GCNT4: variants seen among roughly 807,000 people sequenced by gnomAD.
The protein encoded by GCNT4 is glucosaminyl (N-acetyl) transferase 4.
Under a neutral mutation model 31.3 loss-of-function variants are expected in GCNT4, and 17 were observed. The observed-to-expected ratio is 0.54, with a 90% CI of 0.37 to 0.81. The LOEUF is 0.81. GCNT4 is among the 40% of genes least tolerant of loss of function. The pLI is 0.00. For synonymous variants in GCNT4, 158 were observed against 190.6 expected (o/e 0.83, Z 1.41); for missense variants, 503 against 525.5 (o/e 0.96, Z 0.42).
chr5:75,032,872 G>GGTGT (rs60551634), intron 3 of GCNT4, among the ~76,000 whole-genome samples: 1,893 of 130,602 alleles, frequency 0.014, 26 homozygotes, highest in Non-Finnish European at 0.022. Flanking sequence ...CCCAAATAGG[G>GGTGT]GTGTGTGTGT....
intron 2 of GCNT4, among the ~76,000 whole-genome samples, chr5:75,050,297 T>G (rs758482992): frequency 1.2e-4 from 19 of 152,236 alleles, no homozygotes; most frequent in Non-Finnish European, 2.1e-4. Context: ...TTACATTACA[T>G]GAGCTTGATA....
At chr5:75,024,919 C>CTA (rs1398519309), downstream of GCNT4, among the ~76,000 whole-genome samples, 1 of 124,584 alleles carries the variant, frequency 8.0e-6, no homozygotes, top group African/African-American at 3.2e-5. Context: ...CCACTGCACT[C>CTA]TAGTCTGGGT....
chr5:75,038,609 G>T (rs534511823), intron 3 of GCNT4, among the ~76,000 whole-genome samples: 1 of 152,320 alleles, frequency 6.6e-6, no homozygotes, highest in Non-Finnish European at 1.5e-5. Flanking sequence ...TTCCAAGATG[G>T]TGCCTTGCTG....
At chr5:75,035,314 G>A (rs115464765) in intron 3 of GCNT4, among the ~76,000 whole-genome samples, 3,038 of 152,352 alleles carry the variant, frequency 0.02, 49 homozygotes, top group Non-Finnish European at 0.03. Flanking sequence ...TCCTTTCCCA[G>A]GGAAGAAAGG....
intron 3 of GCNT4, among the ~76,000 whole-genome samples, chr5:75,041,075 T>C (rs566429217): frequency 2.0e-4 from 31 of 152,398 alleles, no homozygotes; most frequent in African/African-American, 7.0e-4. Flanking sequence ...TAAGTATGTG[T>C]TGCAAAAGCT....
intron 3 of GCNT4, among the ~76,000 whole-genome samples, chr5:75,041,647 C>A (rs559941394): frequency 6.6e-6 from 1 of 152,272 alleles, no homozygotes; most frequent in East Asian, 1.9e-4. Flanking sequence ...CACGCATAGA[C>A]CTCTCAAGGT....
At position 75,029,873 on chromosome 5, in the gene GCNT4, A is replaced by C; in HGVS notation, c.165T>G (p.Phe55Leu). The C allele has an allele frequency of 6.2e-7, 1 of 1,614,182 alleles. No homozygotes were observed. The highest frequency in any genetic ancestry group is 8.5e-7 in the Non-Finnish European group (1 of 1,180,024). The change falls in exon 4 of 4, where the codon TTT becomes TTG. Residue 55 changes from phenylalanine to leucine, a missense_variant. Transcript: ENST00000652361. Reference protein sequence around the residue: ...LVEYSLSTSPFVRNRYTHVKD... With the variant: ...LVEYSLSTSPLVRNRYTHVKD... ...TAACATGAGTGTATCTGTTTCTTACAAAAGGCGAGGTACTTAGGGAGTACT... is the reference window on the plus strand; with the variant it reads ...TAACATGAGTGTATCTGTTTCTTACCAAAGGCGAGGTACTTAGGGAGTACT...
intron 3 of GCNT4, among the ~76,000 whole-genome samples, chr5:75,046,831 C>T (rs1025763637): frequency 6.6e-6 from 1 of 152,198 alleles, no homozygotes; most frequent in Non-Finnish European, 1.5e-5. Context: ...TTTGAGTTAA[C>T]GGCACTTGCA....
intron 3 of GCNT4, among the ~76,000 whole-genome samples, chr5:75,043,883 T>G (rs1294233199): frequency 6.6e-6 from 1 of 152,306 alleles, no homozygotes; most frequent in Non-Finnish European, 1.5e-5. Flanking sequence ...TATAGCCAAG[T>G]GCAAAATAAT....
downstream of GCNT4, among the ~76,000 whole-genome samples, chr5:75,020,494 G>A (rs1449266914): frequency 6.6e-6 from 1 of 152,156 alleles, no homozygotes; most frequent in Non-Finnish European, 1.5e-5. Context: ...GAGCCACAGA[G>A]CCAGAGCAGA....
In GCNT4 at chr5:75,029,909, A is replaced by C; in HGVS notation, c.129T>G (p.Ile43Met). ...NVRRLFPQKD[I>M]YLVEYSLSTS... Reference sequence around the variant, plus strand: ...TACTTAGGGAGTACTCAACCAAGTAAATGTCTTTTTGCGGAAAGAGTCGTC... The same window carrying C: ...TACTTAGGGAGTACTCAACCAAGTACATGTCTTTTTGCGGAAAGAGTCGTC... Residue 43 changes from isoleucine (I) to methionine (M), a missense_variant, in exon 4 of 4, where the codon ATT (isoleucine) becomes ATG (methionine). Ile to Met is a conservative substitution (Grantham distance 10). Transcript: ENST00000652361. 6.2e-7 allele frequency: 1 copy of C among 1,614,182 alleles called. No individual in the cohort carries two copies. The highest frequency in any genetic ancestry group is 8.5e-7 in the Non-Finnish European group (1 of 1,180,018).
intron 3 of GCNT4, among the ~76,000 whole-genome samples, chr5:75,045,279 TA>T (rs1376560005): frequency 6.6e-6 from 1 of 152,216 alleles, no homozygotes; most frequent in East Asian, 1.9e-4. Flanking sequence ...AATTAAACAC[TA>T]ACCCCACAAT....
rs751888626 is a variant in GCNT4 at position 75,029,152 on chromosome 5, T to C, written c.886A>G (p.Ile296Val). 3.1e-6 allele frequency: 5 copies of C among 1,613,954 alleles called. No individual in the cohort carries two copies. The highest frequency in any genetic ancestry group is 4.2e-6 in the Non-Finnish European group (5 of 1,179,998). The change falls in exon 4 of 4, where the codon ATT becomes GTT. Residue 296 changes from isoleucine (I) to valine (V), a missense_variant. Coordinates refer to ENST00000652361, the MANE Select transcript of GCNT4 (RefSeq NM_001366737.1). ...NISKEAPPHN[I>V]QIFVGSAYFV... ...TAAGCACTGCCAACAAATATCTGAA[T>C]GTTATGGGGGGGTGCTTCCTTGGAG...
chr5:75,038,631 C>T (rs1743250649), intron 3 of GCNT4, among the ~76,000 whole-genome samples: 1 of 152,210 alleles, frequency 6.6e-6, no homozygotes, highest in Non-Finnish European at 1.5e-5. Flanking sequence ...TGTGTTCTCA[C>T]ATGGCAAAGG....
chr5:75,039,699 C>A (rs1433095082), intron 3 of GCNT4, among the ~76,000 whole-genome samples: 2 of 152,178 alleles, frequency 1.3e-5, no homozygotes, highest in African/African-American at 4.8e-5. Flanking sequence ...AATCCACCCA[C>A]CTCTTTCCAC....
intron 3 of GCNT4, among the ~76,000 whole-genome samples, chr5:75,033,217 G>A (rs1193185541): frequency 1.3e-5 from 2 of 152,174 alleles, no homozygotes; most frequent in African/African-American, 4.8e-5. Flanking sequence ...CATTTCCAGG[G>A]CCTCTTCTGC....
At chr5:75,021,486 T>A (rs1174276078), downstream of GCNT4, among the ~76,000 whole-genome samples, 1 of 152,196 alleles carries the variant, frequency 6.6e-6, no homozygotes, top group Non-Finnish European at 1.5e-5. Context: ...GGGCTCTTTG[T>A]GCTCTGAAGA....
chr5:75,049,779 C>T (rs1246962502), intron 2 of GCNT4, among the ~76,000 whole-genome samples: 1 of 152,190 alleles, frequency 6.6e-6, no homozygotes, highest in Admixed American at 6.5e-5. Flanking sequence ...GTAGAAGGTG[C>T]CTTGCCTTGT....
chr5:75,032,872 G>GGGGGGTGT (rs1302225317), intron 3 of GCNT4, among the ~76,000 whole-genome samples: 1 of 130,646 alleles, frequency 7.7e-6, no homozygotes, highest in African/African-American at 2.7e-5. Context: ...CCCAAATAGG[G>GGGGGGTGT]GTGTGTGTGT....
Sources: gnomAD v4.1 joint callset for allele counts (sites outside exome capture counted in the v4.1 genomes callset) on GRCh38, gnomAD v4.1.1 for gene constraint, MANE v1.5 for transcripts, NCBI Gene and HGNC (gene_info 2026-07-23, HGNC 2026-07-21) for gene names.